The following SRBD1 variants were observed in gnomAD, a reference collection of about 807,000 sequenced individuals.
SRBD1 encodes the protein S1 RNA binding domain 1.
Under a neutral mutation model 115.3 loss-of-function variants are expected in SRBD1, and 88 were observed. That is an observed-to-expected ratio of 0.76 (90% CI 0.64 to 0.91). SRBD1 has a LOEUF of 0.91. SRBD1 is among the 40% of genes least tolerant of loss of function. The pLI, the probability that SRBD1 is intolerant of heterozygous loss-of-function variation, is 0.00. For missense variants in SRBD1, 1,385 were observed against 1,177.4 expected (o/e 1.18, Z -2.58); for synonymous variants, 509 against 407.7 (o/e 1.25, Z -2.99).
At chr2:45,487,771 A>T (rs1670164913) in intron 15 of SRBD1, among the ~76,000 whole-genome samples, 1 of 152,116 alleles carries the variant, frequency 6.6e-6, no homozygotes, top group Admixed American at 6.5e-5. Flanking sequence ...TCCCTGTCTC[A>T]GCCTCCCGAG....
chr2:45,477,408 T>C (rs776283780), intron 15 of SRBD1, among the ~76,000 whole-genome samples: 36 of 152,218 alleles, frequency 2.4e-4, no homozygotes, highest in Non-Finnish European at 3.7e-4. Context: ...TAAAGCATAA[T>C]AGGATACCTC....
intron 8 of SRBD1, 21 bp from the exon 9 acceptor site, chr2:45,573,363 T>A: frequency 5.7e-6 from 9 of 1,588,068 alleles, no homozygotes; most frequent in Non-Finnish European, 7.7e-6. Flanking sequence ...ACACAAGTGT[T>A]CAAAAAACAA....
intron 16 of SRBD1, among the ~76,000 whole-genome samples, chr2:45,470,892 C>A (rs1215929418): frequency 1.3e-5 from 2 of 152,148 alleles, no homozygotes; most frequent in East Asian, 3.8e-4. Flanking sequence ...AGGATTGGAA[C>A]GCTGCCTTTA....
chr2:45,605,100 T>C (rs1056191702), intron 2 of SRBD1, among the ~76,000 whole-genome samples: 2 of 152,206 alleles, frequency 1.3e-5, no homozygotes, highest in African/African-American at 4.8e-5. Context: ...TAAAACTCTA[T>C]GCTCTCATGG....
chr2:45,488,859 T>C (rs1670203887), intron 14 of SRBD1, among the ~76,000 whole-genome samples: 2 of 149,268 alleles, frequency 1.3e-5, no homozygotes, highest in Admixed American at 6.6e-5. Context: ...AACCACAACA[T>C]GAAAAAAAAA....
intron 8 of SRBD1, 66 bp from the exon 9 acceptor site, chr2:45,573,408 T>C (rs1279711145): frequency 6.8e-5 from 104 of 1,527,424 alleles, no homozygotes; most frequent in South Asian, 1.3e-4. Context: ...AAAGAATATA[T>C]AGAAATAAGG....
chr2:45,442,889 G>T (rs1490274033), intron 16 of SRBD1, among the ~76,000 whole-genome samples: 1 of 152,102 alleles, frequency 6.6e-6, no homozygotes, highest in Non-Finnish European at 1.5e-5. Context: ...TTCCTTCTCT[G>T]GAGGCAGTAG....
intron 16 of SRBD1, among the ~76,000 whole-genome samples, chr2:45,443,056 A>G (rs1668718688): frequency 6.6e-6 from 1 of 152,206 alleles, no homozygotes; most frequent in Non-Finnish European, 1.5e-5. Context: ...TGGAGAGTAG[A>G]CAAGCTCTTG....
intron 9 of SRBD1, 124 bp downstream of exon 9, chr2:45,573,083 T>C: frequency 1.8e-6 from 2 of 1,113,684 alleles, no homozygotes; most frequent in Non-Finnish European, 1.2e-6. Context: ...ATTATAAGAA[T>C]TTATATAAAG....
intron 10 of SRBD1, 52 bp downstream of exon 10, chr2:45,562,601 T>A: frequency 7.3e-7 from 1 of 1,360,968 alleles, no homozygotes; most frequent in East Asian, 2.3e-5. Context: ...GATATCGGTA[T>A]CATATTTTAG....
At chr2:45,562,044 T>C (rs1387655048) in intron 10 of SRBD1, among the ~76,000 whole-genome samples, 1 of 152,200 alleles carries the variant, frequency 6.6e-6, no homozygotes, top group Non-Finnish European at 1.5e-5. Context: ...AAGTTTCAAA[T>C]AGTACAGAAA....
At chr2:45,389,687 T>C (rs767391311) in intron 20 of SRBD1, 88 bp from the exon 21 acceptor site, 14 of 1,289,518 alleles carry the variant, frequency 1.1e-5, no homozygotes, top group Non-Finnish European at 1.4e-5. Context: ...CTACATACTA[T>C]GTGCCCAGAC....
chr2:45,416,452 T>G (rs1232990352), intron 18 of SRBD1, among the ~76,000 whole-genome samples: 19 of 138,916 alleles, frequency 1.4e-4, no homozygotes, highest in African/African-American at 4.5e-4. Context: ...GCTTCATCAA[T>G]AAGACACTGA....
intron 9 of SRBD1, among the ~76,000 whole-genome samples, chr2:45,570,925 A>C (rs1355042535): frequency 6.6e-6 from 1 of 152,192 alleles, no homozygotes; most frequent in South Asian, 2.1e-4. Context: ...AAAGGCAAAT[A>C]TATTAGCCCC....
intron 4 of SRBD1, among the ~76,000 whole-genome samples, chr2:45,595,048 T>A (rs908970362): frequency 2.0e-5 from 3 of 152,234 alleles, no homozygotes; most frequent in Non-Finnish European, 2.9e-5. Flanking sequence ...CCCCCCTGCT[T>A]AATTCATTAG....
chr2:45,546,194 T>A, intron 14 of SRBD1: 6 of 985,368 alleles, frequency 6.1e-6, no homozygotes, highest in Non-Finnish European at 7.2e-6. Context: ...ACTAGAGAAA[T>A]TGGGTCTTTC....
chr2:45,412,293 G>T (rs1040865779), intron 19 of SRBD1, among the ~76,000 whole-genome samples: 1 of 151,840 alleles, frequency 6.6e-6, no homozygotes, highest in African/African-American at 2.4e-5. Context: ...AACTGTTGGG[G>T]GAAACCAGGA....
At chr2:45,519,026 A>G (rs1232772444) in intron 14 of SRBD1, among the ~76,000 whole-genome samples, 1 of 151,856 alleles carries the variant, frequency 6.6e-6, no homozygotes, top group Admixed American at 6.6e-5. Context: ...AAGTATATTG[A>G]GAAAGCCTAG....
intron 14 of SRBD1, among the ~76,000 whole-genome samples, chr2:45,529,675 G>A (rs1671553110): frequency 6.6e-6 from 1 of 151,944 alleles, no homozygotes; most frequent in African/African-American, 2.4e-5. Flanking sequence ...TCCCAAATGG[G>A]TTGAGTTAGG....
Sources: gnomAD v4.1 joint callset for allele counts (sites outside exome capture counted in the v4.1 genomes callset) on GRCh38, gnomAD v4.1.1 for gene constraint, MANE v1.5 for transcripts, NCBI Gene and HGNC (gene_info 2026-07-23, HGNC 2026-07-21) for gene names.